The following UNC13C variants were observed in gnomAD, a reference collection of about 807,000 sequenced individuals.
UNC13C encodes the protein unc-13 homolog C, also known as protein unc-13 homolog C.
In UNC13C, 174 loss-of-function variants were observed where a neutral mutation model predicts 245.4. The observed-to-expected ratio is 0.71, with a 90% CI of 0.63 to 0.80. UNC13C has a LOEUF of 0.80. Ranked by LOEUF, UNC13C falls within the 30% of genes least tolerant of loss-of-function variation. The pLI is 0.00. For missense variants in UNC13C, 2,829 were observed against 2,602.9 expected, an observed-to-expected ratio of 1.09 and a Z score of -1.89; for synonymous variants, 992 against 895.1, an observed-to-expected ratio of 1.11 and a Z score of -1.93.
At chr15:54,533,152 G>A (rs1895837903) in intron 26 of UNC13C, 86 bp downstream of exon 26, 1 of 1,005,038 alleles carries the variant, frequency 9.9e-7, no homozygotes, top group Non-Finnish European at 1.4e-6. Flanking sequence ...TTTCCTCTGT[G>A]TAAGGTAGCA....
chr15:54,225,291 G>C (rs900994059), intron 4 of UNC13C, among the ~76,000 whole-genome samples: 3 of 151,724 alleles, frequency 2.0e-5, no homozygotes, highest in Non-Finnish European at 4.4e-5. Context: ...TTGGCTATTT[G>C]GGCTCTTTTT....
chr15:54,154,227 C>A (rs564704169), intron 4 of UNC13C, among the ~76,000 whole-genome samples: 1 of 152,132 alleles, frequency 6.6e-6, no homozygotes, highest in African/African-American at 2.4e-5. Flanking sequence ...ATTCACCAAT[C>A]TACTTTCTAT....
chr15:54,113,773 C>T (rs1395637415), intron 2 of UNC13C, among the ~76,000 whole-genome samples: 2 of 152,190 alleles, frequency 1.3e-5, no homozygotes, highest in East Asian at 1.9e-4. Context: ...TTGCAGTGAG[C>T]CGAGATCGCA....
At chr15:54,387,000 C>T (rs934329224) in intron 17 of UNC13C, among the ~76,000 whole-genome samples, 1 of 152,178 alleles carries the variant, frequency 6.6e-6, no homozygotes. Context: ...AAACTGTCCA[C>T]ATTGCTCTTC....
intron 10 of UNC13C, among the ~76,000 whole-genome samples, chr15:54,284,844 C>A (rs2037100082): frequency 6.6e-6 from 1 of 151,864 alleles, no homozygotes; most frequent in African/African-American, 2.4e-5. Flanking sequence ...TGTTATTATT[C>A]AACTGTTTTA....
chr15:54,239,775 T>C (rs1355685608), intron 7 of UNC13C, among the ~76,000 whole-genome samples: 1 of 152,180 alleles, frequency 6.6e-6, no homozygotes, highest in Non-Finnish European at 1.5e-5. Context: ...ATCTGTTAGA[T>C]TTATGATGCC....
At chr15:54,604,880 A>G (rs2141278449) in intron 30 of UNC13C, among the ~76,000 whole-genome samples, 1 of 152,300 alleles carries the variant, frequency 6.6e-6, no homozygotes, top group East Asian at 1.9e-4. Flanking sequence ...TCTAAAACCT[A>G]ATGAATGGTC....
At chr15:54,424,451 G>T (rs759696191) in intron 19 of UNC13C, among the ~76,000 whole-genome samples, 2 of 151,792 alleles carry the variant, frequency 1.3e-5, no homozygotes, top group Admixed American at 6.6e-5. Context: ...CTGAAGAAAT[G>T]ACCTCCTGTT....
At chr15:54,051,922 C>G (rs1474185168) in intron 2 of UNC13C, among the ~76,000 whole-genome samples, 1 of 133,936 alleles carries the variant, frequency 7.5e-6, no homozygotes. Context: ...TCCCTCCACC[C>G]CACCACAGTC....
intron 4 of UNC13C, among the ~76,000 whole-genome samples, chr15:54,159,413 G>T (rs2032883564): frequency 6.6e-6 from 1 of 152,206 alleles, no homozygotes; most frequent in Non-Finnish European, 1.5e-5. Flanking sequence ...TATTAAGTGT[G>T]CACCAAGTAC....
chr15:54,594,703 T>A (rs370349639), intron 30 of UNC13C, among the ~76,000 whole-genome samples: 3 of 152,312 alleles, frequency 2.0e-5, no homozygotes, highest in Admixed American at 6.5e-5. Flanking sequence ...CCAAGTCTAT[T>A]TCTAGGCAGA....
At chr15:53,875,880 G>A in the UNC13C span, among the ~76,000 whole-genome samples, 1 of 152,312 alleles carries the variant, frequency 6.6e-6, no homozygotes, top group South Asian at 2.1e-4. Flanking sequence ...ACTGCAAGAA[G>A]AGTTGTTTGA....
chr15:54,618,063 T>C (rs1900557643), intron 30 of UNC13C, among the ~76,000 whole-genome samples: 1 of 152,152 alleles, frequency 6.6e-6, no homozygotes, highest in African/African-American at 2.4e-5. Flanking sequence ...AAGCATTATA[T>C]GAGTAGTCAT....
rs562710619 is a variant in UNC13C, at chr15:54,626,714, G to A, written c.6360-114G>A. On this transcript the variant is annotated intron_variant, in intron 32 of 32. Transcript: ENST00000260323. ...GTTAAAATACACTGATATCCTATTT[G>A]CCAACATAATAATCAGATCCAATGT... is the stretch of plus-strand genomic sequence containing the variant. The A allele has an allele frequency of 1.3e-4, 125 of 970,462 alleles. 2 individuals are homozygous for A. The South Asian group carries it at 2.0e-3, about 16-fold the overall frequency. The allele number at this position is 970,462 out of a possible 1,614,324, so 60.1% of individuals were successfully genotyped here. A position where few individuals can be genotyped will look rare whatever the true frequency, so the allele number is the denominator to read the frequency against.
intron 18 of UNC13C, among the ~76,000 whole-genome samples, chr15:54,402,872 C>G (rs1212957000): frequency 2.0e-5 from 3 of 152,150 alleles, no homozygotes; most frequent in Admixed American, 6.5e-5. Flanking sequence ...AATGATTAAT[C>G]TGGATCTGAT....
intron 2 of UNC13C, among the ~76,000 whole-genome samples, chr15:54,046,719 T>C (rs373314767): frequency 2.0e-5 from 3 of 152,052 alleles, no homozygotes. Context: ...ATTTTTAAGC[T>C]TTTCATTGAA....
At position 54,585,280 on chromosome 15, in the gene UNC13C, A is replaced by C. The variant is rs145783389; in HGVS notation, c.6106+17333A>C. Among the ~76,000 whole-genome samples the C allele has an allele frequency of 1.8e-3, 278 of 152,170 alleles. 2 individuals carry two copies. The highest frequency in any genetic ancestry group is 6.5e-3 in the African/African-American group (270 of 41,510). ...ATGGTAATGGCTGAGTTCTTGATGT[A>C]TTCATTCACTGAGATCTGGTTGTTA... On this transcript the variant is annotated intron_variant, in intron 30 of 32. Transcript: ENST00000260323.
At chr15:53,919,328 G>A in the UNC13C span, among the ~76,000 whole-genome samples, 949 of 152,256 alleles carry the variant, frequency 6.2e-3, 6 homozygotes, top group African/African-American at 0.022. Context: ...CATCAAAAAC[G>A]AACATCAGTT....
intron 19 of UNC13C, among the ~76,000 whole-genome samples, chr15:54,434,863 G>A (rs771901044): frequency 2.0e-4 from 30 of 151,450 alleles, no homozygotes; most frequent in Non-Finnish European, 3.5e-4. Flanking sequence ...TCCAGAAACC[G>A]CAAAGAACTT....
Sources: allele counts gnomAD v4.1 joint callset (sites outside exome capture counted in the v4.1 genomes callset), GRCh38; gene constraint gnomAD v4.1.1; transcripts MANE v1.5; gene names NCBI Gene and HGNC (gene_info 2026-07-23, HGNC 2026-07-21).